Variants in HKDC1 observed in about 807,000 individuals in gnomAD.
The protein encoded by HKDC1 is hexokinase HKDC1.
In HKDC1, 66 loss-of-function variants were observed where a neutral mutation model predicts 96.6. That is an observed-to-expected ratio of 0.68 (90% CI 0.56 to 0.84). The LOEUF is 0.84. Ranked by LOEUF, HKDC1 falls within the 40% of genes least tolerant of loss-of-function variation. HKDC1 has a pLI of 0.00. For missense variants in HKDC1, 1,211 were observed against 1,208.1 expected (o/e 1.00, Z -0.04); for synonymous variants, 466 against 473.1 (o/e 0.98, Z 0.20).
At position 69,267,189 on chromosome 10, in the gene HKDC1, A is replaced by G. The variant is rs922894180; in HGVS notation, c.*432A>G. ...TTGGACCCTGTACTTGTGGATGAAC[A>G]TTGGAGAGCAAGAGGAACTCACGTT... On this transcript the variant is annotated 3_prime_UTR_variant, in exon 18 of 18. Transcript: ENST00000354624. 7.7e-6 allele frequency: 2 copies of G among 258,550 alleles called. No individual in the cohort carries two copies. The highest frequency in any genetic ancestry group is 1.5e-5 in the Non-Finnish European group (2 of 132,840). The allele number at this position is 258,550 out of a possible 1,614,324, so 16.0% of individuals were successfully genotyped here.
chr10:69,266,588 T>C lies in HKDC1; in HGVS notation c.2607-22T>C, dbSNP rs748981087. 128 of 1,612,160 alleles carry C rather than the reference T, an allele frequency of 7.9e-5. 2 individuals are homozygous for C. The South Asian group carries it at 1.3e-3, about 16-fold the overall frequency. On this transcript the variant is annotated intron_variant, in intron 17 of 17. Transcript: ENST00000354624. ...TGATTCTACATGGAAGGGCTGATGA[T>C]GTTTCTTTCTCTTTTTCATAGCTTT...
At chr10:69,240,404 C>T (rs1316669273) in intron 5 of HKDC1, among the ~76,000 whole-genome samples, 2 of 152,180 alleles carry the variant, frequency 1.3e-5, no homozygotes, top group African/African-American at 4.8e-5. Flanking sequence ...GCCTGTCCCT[C>T]ATATTTCCAT....
chr10:69,223,604 G>A (rs939859030), intron 1 of HKDC1, among the ~76,000 whole-genome samples: 4 of 16,386 alleles, frequency 2.4e-4, no homozygotes, highest in African/African-American at 1.4e-3. Flanking sequence ...TTTTTTTTTT[G>A]AGACGAAGTC....
intron 1 of HKDC1, chr10:69,222,835 T>C (rs1156672916): frequency 6.6e-6 from 1 of 152,174 alleles, no homozygotes; most frequent in Non-Finnish European, 1.5e-5. Context: ...GGCTGAGTCA[T>C]GGTTCTGAGA....
chr10:69,266,903 T>C lies in HKDC1; in HGVS notation c.*146T>C. 1 of 721,088 alleles carries C rather than the reference T, an allele frequency of 1.4e-6. No individual in the cohort carries two copies. Among genetic ancestry groups the C allele is most frequent in the South Asian group, 2.0e-5 (1 of 49,816 alleles). 44.7% of individuals were successfully genotyped at this position (721,088 alleles called of 1,614,324 possible). On this transcript the variant is annotated 3_prime_UTR_variant, in exon 18 of 18. Transcript: ENST00000354624. The stretch of plus-strand genomic sequence containing the variant: ...GAGAACCCCAGGTTCTCGGGTACTC[T>C]TAGTATCTTGTACTGGATTTGCAGT...
chr10:69,232,041 C>G (rs994258339), intron 2 of HKDC1, among the ~76,000 whole-genome samples: 32 of 152,174 alleles, frequency 2.1e-4, no homozygotes, highest in African/African-American at 7.5e-4. Context: ...AGCAACATCA[C>G]CAAGTTGGCC....
At chr10:69,246,496 T>A (rs1843543244) in intron 8 of HKDC1, among the ~76,000 whole-genome samples, 1 of 152,244 alleles carries the variant, frequency 6.6e-6, no homozygotes, top group Non-Finnish European at 1.5e-5. Context: ...GTTAAAGTGG[T>A]AACTTGTAGC....
At position 69,247,599 on chromosome 10, in the gene HKDC1, T is replaced by A; in HGVS notation, c.1265+6T>A. The A allele has an allele frequency of 6.2e-7, 1 of 1,609,998 alleles. No homozygotes were observed. Among genetic ancestry groups the A allele is most frequent in the Non-Finnish European group, 8.5e-7 (1 of 1,176,646 alleles). Reference sequence around the variant, plus strand: ...CTCTACAAGATACACCCTCAGTGAGTGCTGCCTGCCATCCACGCCCCCACA... The same window carrying A: ...CTCTACAAGATACACCCTCAGTGAGAGCTGCCTGCCATCCACGCCCCCACA... On this transcript the variant is annotated splice_donor_region_variant and intron_variant, in intron 9 of 17. Transcript: ENST00000354624.
chr10:69,233,964 G>A (rs1843321171), intron 4 of HKDC1, among the ~76,000 whole-genome samples: 1 of 151,176 alleles, frequency 6.6e-6, no homozygotes, highest in South Asian at 2.1e-4. Flanking sequence ...CAGAGCCTGG[G>A]ATACACAGTC....
chr10:69,237,710 G>C (rs998143408), intron 4 of HKDC1, among the ~76,000 whole-genome samples: 1 of 152,192 alleles, frequency 6.6e-6, no homozygotes, highest in Non-Finnish European at 1.5e-5. Context: ...CCTGGAGACA[G>C]GGATGTTGTC....
At chr10:69,265,496 C>T in intron 16 of HKDC1, 89 bp from the exon 17 acceptor site, 1 of 1,098,640 alleles carries the variant, frequency 9.1e-7, no homozygotes, top group Non-Finnish European at 1.4e-6. Flanking sequence ...CCTGTAAGGG[C>T]ATCTAAGAAT....
rs144214911 is a variant in HKDC1 at position 69,246,205 on chromosome 10, C to G, written c.1002C>G (p.Ile334Met). The change falls in exon 8 of 18, where the codon ATC (isoleucine) becomes ATG (methionine). Residue 334 changes from isoleucine (I) to methionine (M), a missense_variant. By Grantham distance (10) the Ile-to-Met change is conservative. Transcript: ENST00000354624. The part of the protein sequence containing the change: ...KSSALHTKGK[I>M]ETRHVAAMEK... ...CTGCTCTCCACACTAAGGGCAAGAT[C>G]GAAACACGGCACGTGGCTGCCATGG... is the stretch of plus-strand genomic sequence containing the variant. 5 of 1,614,104 alleles carry G rather than the reference C, an allele frequency of 3.1e-6. No individual in the cohort carries two copies. The highest frequency in any genetic ancestry group is 1.3e-5 in the African/African-American group (1 of 75,048).
chr10:69,246,046 G>A (rs1843536166), intron 7 of HKDC1, 33 bp from the exon 8 acceptor site: 1 of 1,607,528 alleles, frequency 6.2e-7, no homozygotes, highest in Non-Finnish European at 8.5e-7. Flanking sequence ...AATCAAAGGG[G>A]CTGCGTCCAC....
chr10:69,239,483 A>G (rs549337546), intron 5 of HKDC1, among the ~76,000 whole-genome samples: 1 of 152,002 alleles, frequency 6.6e-6, no homozygotes, highest in African/African-American at 2.4e-5. Context: ...AAGATCATAT[A>G]CTTTCCGGGC....
chr10:69,250,054 G>A (rs986864556), intron 10 of HKDC1, among the ~76,000 whole-genome samples: 1 of 152,204 alleles, frequency 6.6e-6, no homozygotes, highest in Non-Finnish European at 1.5e-5. Context: ...TAGTGTAGGT[G>A]GTGCCTGGGA....
chr10:69,246,091 G>T lies in HKDC1; in HGVS notation c.888G>T (p.Met296Ile). The T allele has an allele frequency of 4.3e-6, 7 of 1,614,142 alleles. No homozygotes were observed. The highest frequency in any genetic ancestry group is 5.9e-6 in the Non-Finnish European group (7 of 1,179,982). Reference sequence around the variant, plus strand: ...CACCAACCTGCAGGTTCGAGAAGATGATCAGTGGCCTGTACCTGGGGGAGC... The same window carrying T: ...CACCAACCTGCAGGTTCGAGAAGATTATCAGTGGCCTGTACCTGGGGGAGC... ...LNPGKQLFEKMISGLYLGELV... is the reference protein window; with the variant it reads ...LNPGKQLFEKIISGLYLGELV... Residue 296 changes from methionine (M) to isoleucine (I), a missense_variant, in exon 8 of 18, where the codon ATG becomes ATT. By Grantham distance (10) the Met-to-Ile change is conservative. Coordinates refer to ENST00000354624, the MANE Select transcript of HKDC1 (RefSeq NM_025130.4).
intron 10 of HKDC1, among the ~76,000 whole-genome samples, chr10:69,249,852 C>T (rs777533525): frequency 1.3e-5 from 2 of 152,170 alleles, no homozygotes; most frequent in South Asian, 2.1e-4. Context: ...TGCCCTGTAC[C>T]GTTCCTTGGG....
chr10:69,242,167 T>C (rs1843464766), intron 6 of HKDC1, among the ~76,000 whole-genome samples: 1 of 152,074 alleles, frequency 6.6e-6, no homozygotes, highest in Non-Finnish European at 1.5e-5. Flanking sequence ...AAAGGGCAGG[T>C]TTTTAAACCT....
At chr10:69,228,287 A>G (rs1264446737) in intron 2 of HKDC1, among the ~76,000 whole-genome samples, 1 of 152,046 alleles carries the variant, frequency 6.6e-6, no homozygotes, top group African/African-American at 2.4e-5. Flanking sequence ...TCCTTTCAAC[A>G]TTTAAAGATC....
Sources: allele counts gnomAD v4.1 joint callset (sites outside exome capture counted in the v4.1 genomes callset), GRCh38; gene constraint gnomAD v4.1.1; transcripts MANE v1.5; gene names NCBI Gene and HGNC (gene_info 2026-07-23, HGNC 2026-07-21).